DIAPH2: variants seen among roughly 807,000 people sequenced by gnomAD.
DIAPH2 encodes diaphanous related formin 2, also known as protein diaphanous homolog 2.
A neutral mutation model predicts 92.7 loss-of-function variants in DIAPH2; 35 were observed. The observed-to-expected ratio is 0.38, with a 90% CI of 0.29 to 0.50. DIAPH2 has a LOEUF of 0.50. DIAPH2 is among the 20% of genes least tolerant of loss of function. The probability of loss-of-function intolerance (pLI) is 0.94; values close to 1 mark genes in which losing one functional copy is unlikely to be tolerated. For missense variants in DIAPH2, 701 were observed against 819.5 expected (o/e 0.86, Z 1.77); for synonymous variants, 301 against 280.4 (o/e 1.07, Z -0.73).
At chrX:97,199,227 A>ATG (rs58686614) in intron 22 of DIAPH2, among the ~76,000 whole-genome samples, 10,045 of 106,712 alleles carry the variant, frequency 0.094, 1,063 homozygotes, top group African/African-American at 0.3. Flanking sequence ...ACATATGTAT[A>ATG]TGTGTGTGTG....
At chrX:96,815,337 C>T (rs921395834) in intron 4 of DIAPH2, among the ~76,000 whole-genome samples, 1 of 111,808 alleles carries the variant, frequency 8.9e-6, no homozygotes, top group Non-Finnish European at 1.9e-5. Context: ...CCGAGCCAGG[C>T]GCGGGATATA....
chrX:97,261,183 A>G (rs755746590), intron 23 of DIAPH2, among the ~76,000 whole-genome samples: 1 of 112,727 alleles, frequency 8.9e-6, no homozygotes, highest in African/African-American at 3.2e-5. Flanking sequence ...GATTTTAGTT[A>G]CAAGTGCACA....
In DIAPH2 at chrX:96,713,742, T is replaced by C. The variant is rs184593553; in HGVS notation, c.133-22016T>C. ...CATATAGTTGGAATGATAGAGTATGTAGCCTTTTCAGACTGGCTTCTTTCA... is the reference window on the plus strand; with the variant it reads ...CATATAGTTGGAATGATAGAGTATGCAGCCTTTTCAGACTGGCTTCTTTCA... On this transcript the variant is annotated intron_variant, in intron 1 of 26. Coordinates refer to ENST00000324765, the MANE Select transcript of DIAPH2 (RefSeq NM_006729.5). 8.7e-4 allele frequency among the ~76,000 whole-genome samples: 97 copies of C among 112,089 alleles called. 1 individual carries two copies. Among genetic ancestry groups the C allele is most frequent in the African/African-American group, 2.8e-3 (87 of 30,847 alleles).
chrX:96,966,538 T>C (rs1337254988), intron 17 of DIAPH2, among the ~76,000 whole-genome samples: 1 of 112,382 alleles, frequency 8.9e-6, no homozygotes, highest in Non-Finnish European at 1.9e-5. Flanking sequence ...TGTGCATTTA[T>C]CATTTTTTGT....
chrX:96,848,911 G>T (rs1202232081), intron 4 of DIAPH2, among the ~76,000 whole-genome samples: 1 of 111,695 alleles, frequency 9.0e-6, no homozygotes, highest in African/African-American at 3.3e-5. Flanking sequence ...AGTGGCGATG[G>T]TTTTTTCCAT....
chrX:96,797,392 A>G (rs1023995075), intron 4 of DIAPH2, among the ~76,000 whole-genome samples: 2 of 111,968 alleles, frequency 1.8e-5, no homozygotes, highest in African/African-American at 6.5e-5. Flanking sequence ...GAGGCAGGAG[A>G]ATCGCTTGAA....
chrX:96,811,669 G>T (rs1020187372), intron 4 of DIAPH2, among the ~76,000 whole-genome samples: 1 of 111,477 alleles, frequency 9.0e-6, no homozygotes, highest in Non-Finnish European at 1.9e-5. Flanking sequence ...CTCATAAATA[G>T]CTCTTATGAT....
chrX:97,263,632 G>A (rs2068307747), intron 23 of DIAPH2, among the ~76,000 whole-genome samples: 1 of 108,441 alleles, frequency 9.2e-6, no homozygotes, highest in African/African-American at 3.3e-5. Flanking sequence ...TGTCAGCCAG[G>A]CTGGAGTGCA....
At chrX:97,596,939 GTATATATATGTA>G (rs760427456) in intron 26 of DIAPH2, among the ~76,000 whole-genome samples, 2 of 111,242 alleles carry the variant, frequency 1.8e-5, no homozygotes, top group East Asian at 5.6e-4. Flanking sequence ...GAGTATAAGA[GTATATATATGTA>G]TATATATTTG....
chrX:97,068,648 T>G (rs1257265017), intron 17 of DIAPH2, among the ~76,000 whole-genome samples: 3 of 111,969 alleles, frequency 2.7e-5, no homozygotes, highest in Non-Finnish European at 5.6e-5. Context: ...TATCAAGTCA[T>G]TAATTGAAAT....
intron 17 of DIAPH2, among the ~76,000 whole-genome samples, chrX:96,987,326 C>T (rs1175415120): frequency 1.8e-5 from 2 of 111,529 alleles, no homozygotes; most frequent in African/African-American, 6.5e-5. Context: ...TGAGGCTGTC[C>T]TCCTCATCTT....
chrX:96,999,972 C>T (rs756164252), intron 17 of DIAPH2, among the ~76,000 whole-genome samples: 5 of 111,820 alleles, frequency 4.5e-5, no homozygotes, highest in African/African-American at 1.3e-4. Flanking sequence ...TTTTGCCTTC[C>T]ACCATGATTG....
At chrX:97,144,282 C>T (rs2067228013) in intron 22 of DIAPH2, among the ~76,000 whole-genome samples, 1 of 110,991 alleles carries the variant, frequency 9.0e-6, no homozygotes, top group Non-Finnish European at 1.9e-5. Context: ...TATGATCACA[C>T]CATTGCACTC....
At chrX:96,693,005 C>T (rs1024208172) in intron 1 of DIAPH2, among the ~76,000 whole-genome samples, 2 of 111,816 alleles carry the variant, frequency 1.8e-5, no homozygotes, top group East Asian at 5.6e-4. Flanking sequence ...TGTGGGCTTA[C>T]AATTGAAAAT....
At chrX:97,036,991 TA>T (rs763176765) in intron 17 of DIAPH2, among the ~76,000 whole-genome samples, 1 of 111,549 alleles carries the variant, frequency 9.0e-6, no homozygotes, top group South Asian at 3.8e-4. Flanking sequence ...ATATAGGTAC[TA>T]TTTTTTTTTA....
intron 24 of DIAPH2, among the ~76,000 whole-genome samples, chrX:97,381,292 GC>G (rs1306525971): frequency 9.0e-6 from 1 of 110,603 alleles, no homozygotes; most frequent in Non-Finnish European, 1.9e-5. Flanking sequence ...TTTGATTTGG[GC>G]GTTTCTTTTT....
chrX:96,715,393 AATT>A (rs1482546901), intron 1 of DIAPH2, among the ~76,000 whole-genome samples: 2 of 111,822 alleles, frequency 1.8e-5, no homozygotes, highest in African/African-American at 6.5e-5. Context: ...TCAGGGCAAT[AATT>A]ATTAACATGA....
At position 96,717,303 on chromosome X, in the gene DIAPH2, G is replaced by A. The variant is rs141537620; in HGVS notation, c.133-18455G>A. Among the ~76,000 whole-genome samples the A allele has an allele frequency of 2.6e-3, 285 of 110,799 alleles. 2 individuals carry two copies. Among genetic ancestry groups the A allele is most frequent in the African/African-American group, 8.8e-3 (268 of 30,526 alleles). On this transcript the variant is annotated intron_variant, in intron 1 of 26. Coordinates refer to ENST00000324765, the MANE Select transcript of DIAPH2 (RefSeq NM_006729.5). Reference sequence around the variant, plus strand: ...TCTGTTGTTGGGTCGAGTCTTGTTCGGGGCCTCCATATCCCTGCTGATTTT... The same window carrying A: ...TCTGTTGTTGGGTCGAGTCTTGTTCAGGGCCTCCATATCCCTGCTGATTTT...
chrX:97,353,472 C>T (rs1256212918), intron 24 of DIAPH2, among the ~76,000 whole-genome samples: 1 of 111,007 alleles, frequency 9.0e-6, no homozygotes, highest in Non-Finnish European at 1.9e-5. Context: ...TTTCCTGCTG[C>T]TTCTGTGTGT....
Sources: gnomAD v4.1 joint callset for allele counts (sites outside exome capture counted in the v4.1 genomes callset) on GRCh38, gnomAD v4.1.1 for gene constraint, MANE v1.5 for transcripts, NCBI Gene and HGNC (gene_info 2026-07-23, HGNC 2026-07-21) for gene names.